Variants in RAP1GDS1 observed in about 807,000 individuals in gnomAD.
RAP1GDS1 encodes the protein Rap1 GTPase-GDP dissociation stimulator 1.
In RAP1GDS1, 35 loss-of-function variants were observed where a neutral mutation model predicts 71.1. That is an observed-to-expected ratio of 0.49 (90% CI 0.38 to 0.65). RAP1GDS1 has a LOEUF of 0.65. Ranked by LOEUF, RAP1GDS1 falls within the 30% of genes least tolerant of loss-of-function variation. RAP1GDS1 has a pLI of 0.00. For synonymous variants in RAP1GDS1, 229 were observed against 243.1 expected, an observed-to-expected ratio of 0.94 and a Z score of 0.54; for missense variants, 663 against 706.1, an observed-to-expected ratio of 0.94 and a Z score of 0.69.
intron 4 of RAP1GDS1, among the ~76,000 whole-genome samples, chr4:98,361,308 G>A (rs1438469882): frequency 6.6e-6 from 1 of 151,418 alleles, no homozygotes; most frequent in East Asian, 1.9e-4. Context: ...TTTATAAAAC[G>A]TTTTGATCTT....
At chr4:98,370,558 T>C (rs1740210285) in intron 4 of RAP1GDS1, among the ~76,000 whole-genome samples, 1 of 151,328 alleles carries the variant, frequency 6.6e-6, no homozygotes, top group African/African-American at 2.4e-5. Flanking sequence ...ATAAAAAAAT[T>C]GCATTAAAGC....
At chr4:98,368,517 T>G (rs1261183932) in intron 4 of RAP1GDS1, among the ~76,000 whole-genome samples, 1 of 152,186 alleles carries the variant, frequency 6.6e-6, no homozygotes, top group Non-Finnish European at 1.5e-5. Context: ...GCAGTTTTCT[T>G]AAAGGTGACT....
chr4:98,421,938 C>T (rs1042711309), intron 12 of RAP1GDS1, among the ~76,000 whole-genome samples: 15 of 151,966 alleles, frequency 9.9e-5, no homozygotes, highest in Admixed American at 1.3e-4. Context: ...TGGCTGACAC[C>T]TGTAATCCCA....
intron 4 of RAP1GDS1, among the ~76,000 whole-genome samples, chr4:98,375,827 A>G (rs188082441): frequency 6.6e-6 from 1 of 152,304 alleles, no homozygotes; most frequent in East Asian, 1.9e-4. Flanking sequence ...GAAACGTAGT[A>G]AAATCCAAAG....
chr4:98,348,729 AT>A (rs1736690387), intron 3 of RAP1GDS1, among the ~76,000 whole-genome samples: 1 of 152,054 alleles, frequency 6.6e-6, no homozygotes, highest in South Asian at 2.1e-4. Flanking sequence ...GATGATGAGC[AT>A]TTTTTCATGT....
chr4:98,416,832 A>G lies in RAP1GDS1; in HGVS notation c.851A>G (p.Asp284Gly), dbSNP rs1272028690. 3 of 1,613,870 alleles carry G rather than the reference A, an allele frequency of 1.9e-6. No individual in the cohort carries two copies. The highest frequency in any genetic ancestry group is 1.6e-4 in the Middle Eastern group (1 of 6,082). ...VQQKVDSDKEDDITELKTGSD... is the reference protein window; with the variant it reads ...VQQKVDSDKEGDITELKTGSD... ...CAAAAAGTGGATAGTGACAAAGAAG[A>G]TGATATTACTGAGCTCAAAACTGGT... Residue 284 changes from aspartate (D) to glycine (G), a missense_variant, in exon 8 of 15, where the codon GAT (aspartate) becomes GGT (glycine). Physicochemically the swap from Asp to Gly is moderately conservative, Grantham distance 94. Coordinates refer to ENST00000408927, the MANE Select transcript of RAP1GDS1 (RefSeq NM_001100427.2).
At chr4:98,357,283 A>C (rs1412222148) in intron 4 of RAP1GDS1, among the ~76,000 whole-genome samples, 1 of 151,900 alleles carries the variant, frequency 6.6e-6, no homozygotes, top group African/African-American at 2.4e-5. Flanking sequence ...TTTCTGTGTT[A>C]TTCAGTTTTA....
intron 2 of RAP1GDS1, among the ~76,000 whole-genome samples, chr4:98,332,402 C>T (rs2096077835): frequency 6.6e-6 from 1 of 152,104 alleles, no homozygotes; most frequent in Non-Finnish European, 1.5e-5. Flanking sequence ...CAAGACAGAA[C>T]ATTTCAGTTT....
chr4:98,423,464 C>T (rs148640519), intron 12 of RAP1GDS1, among the ~76,000 whole-genome samples: 19 of 152,248 alleles, frequency 1.2e-4, no homozygotes, highest in African/African-American at 1.2e-4. Context: ...GTAGAGAATT[C>T]GGGAGCACTT....
chr4:98,369,293 TATA>T (rs1435575391), intron 4 of RAP1GDS1, among the ~76,000 whole-genome samples: 1 of 152,148 alleles, frequency 6.6e-6, no homozygotes. Context: ...ACTTCTTAAA[TATA>T]ATGTTTCAGT....
chr4:98,341,183 C>T (rs1735457436), intron 2 of RAP1GDS1, among the ~76,000 whole-genome samples: 1 of 152,154 alleles, frequency 6.6e-6, no homozygotes, highest in South Asian at 2.1e-4. Context: ...TACATGCTAG[C>T]AGGTAAAAAT....
At chr4:98,317,072 G>A (rs1179334979) in intron 2 of RAP1GDS1, among the ~76,000 whole-genome samples, 1 of 151,960 alleles carries the variant, frequency 6.6e-6, no homozygotes, top group Non-Finnish European at 1.5e-5. Flanking sequence ...TGCTTGAGAG[G>A]GTGAATTCTG....
intron 3 of RAP1GDS1, among the ~76,000 whole-genome samples, chr4:98,348,407 A>G (rs1291056938): frequency 6.6e-6 from 1 of 152,192 alleles, no homozygotes; most frequent in Non-Finnish European, 1.5e-5. Flanking sequence ...TGCTATTATG[A>G]ATAGTGCCAC....
chr4:98,314,843 G>C (rs923503291), intron 2 of RAP1GDS1, among the ~76,000 whole-genome samples: 4 of 152,070 alleles, frequency 2.6e-5, no homozygotes, highest in African/African-American at 9.7e-5. Flanking sequence ...ATTTTATCCG[G>C]GTCCTGATGG....
At chr4:98,382,608 C>A (rs1181636052) in intron 5 of RAP1GDS1, among the ~76,000 whole-genome samples, 1 of 151,492 alleles carries the variant, frequency 6.6e-6, no homozygotes, top group Non-Finnish European at 1.5e-5. Context: ...TGTTTCCTAG[C>A]TTTGGTTACC....
chr4:98,345,533 G>T (rs1279105382), intron 3 of RAP1GDS1, among the ~76,000 whole-genome samples: 1 of 151,250 alleles, frequency 6.6e-6, no homozygotes, highest in Non-Finnish European at 1.5e-5. Flanking sequence ...TTATATAATA[G>T]ACTTAAGACT....
chr4:98,261,851 G>C (rs1449741007), intron 1 of RAP1GDS1, among the ~76,000 whole-genome samples: 1 of 152,054 alleles, frequency 6.6e-6, no homozygotes, highest in Non-Finnish European at 1.5e-5. Flanking sequence ...CATTCTTCCT[G>C]CCGGTGCCCG....
chr4:98,348,255 G>A (rs1578533887), intron 3 of RAP1GDS1, among the ~76,000 whole-genome samples: 1 of 152,106 alleles, frequency 6.6e-6, no homozygotes, highest in East Asian at 1.9e-4. Flanking sequence ...TGAGAATGAT[G>A]GTTTCCACCT....
At chr4:98,323,998 C>A (rs1250288513) in intron 2 of RAP1GDS1, among the ~76,000 whole-genome samples, 1 of 149,280 alleles carries the variant, frequency 6.7e-6, no homozygotes, top group Admixed American at 6.7e-5. Flanking sequence ...TGTTTGCAGA[C>A]GACATGATTG....
Sources: allele counts gnomAD v4.1 joint callset (sites outside exome capture counted in the v4.1 genomes callset), GRCh38; gene constraint gnomAD v4.1.1; transcripts MANE v1.5; gene names NCBI Gene and HGNC (gene_info 2026-07-23, HGNC 2026-07-21).